Variants in UBE2Q2 observed in about 807,000 individuals in gnomAD.
UBE2Q2 encodes the protein ubiquitin-conjugating enzyme E2 Q2.
Under a neutral mutation model 59.9 loss-of-function variants are expected in UBE2Q2, and 54 were observed. The ratio of observed to expected loss-of-function variants is 0.90; its 90% CI spans 0.72 to 1.13. The LOEUF is 1.13. Among genes scored for constraint, UBE2Q2 ranks in the 50% most tolerant of loss-of-function variants. The pLI is 0.00. For missense variants in UBE2Q2, 433 were observed against 441.9 expected, an observed-to-expected ratio of 0.98 and a Z score of 0.18; for synonymous variants, 165 against 155.2, an observed-to-expected ratio of 1.06 and a Z score of -0.47.
At chr15:75,876,084 TG>T in intron 5 of UBE2Q2, 102 bp from the exon 6 acceptor site, 2 of 553,760 alleles carry the variant, frequency 3.6e-6, no homozygotes, top group Non-Finnish European at 5.1e-6. Context: ...AAAAAAAAAA[TG>T]TTGAGTGGTG....
chr15:75,853,045 C>T (rs912421114), intron 1 of UBE2Q2, among the ~76,000 whole-genome samples: 9 of 152,066 alleles, frequency 5.9e-5, no homozygotes, highest in African/African-American at 2.2e-4. Context: ...AGCTAATATA[C>T]GATAATAATG....
intron 3 of UBE2Q2, among the ~76,000 whole-genome samples, chr15:75,866,086 T>C (rs902618865): frequency 1.3e-5 from 2 of 152,340 alleles, no homozygotes; most frequent in East Asian, 3.9e-4. Flanking sequence ...ATCTCATTCT[T>C]AATTCTTTCT....
chr15:75,861,254 A>G (rs559514400), intron 3 of UBE2Q2, among the ~76,000 whole-genome samples: 5 of 152,356 alleles, frequency 3.3e-5, no homozygotes, highest in African/African-American at 1.2e-4. Context: ...GGTTGATTAT[A>G]TATTTCTAGG....
chr15:75,878,559 T>C (rs1186793468), intron 7 of UBE2Q2, among the ~76,000 whole-genome samples: 3 of 136,346 alleles, frequency 2.2e-5, no homozygotes, highest in Non-Finnish European at 4.5e-5. Flanking sequence ...ATCGTATCAC[T>C]ATATTCCAGC....
chr15:75,867,479 T>A (rs1897562616), intron 3 of UBE2Q2, among the ~76,000 whole-genome samples: 1 of 152,254 alleles, frequency 6.6e-6, no homozygotes, highest in Non-Finnish European at 1.5e-5. Flanking sequence ...TCCTTGTATT[T>A]GTTTTTCTGC....
intron 11 of UBE2Q2, among the ~76,000 whole-genome samples, chr15:75,891,678 G>C (rs554711221): frequency 3.6e-4 from 55 of 152,268 alleles, no homozygotes; most frequent in African/African-American, 1.3e-3. Context: ...CAACCAAGAG[G>C]AGCTGAGAGC....
intron 8 of UBE2Q2, among the ~76,000 whole-genome samples, chr15:75,879,587 T>TG: frequency 6.6e-6 from 1 of 152,360 alleles, no homozygotes; most frequent in South Asian, 2.1e-4. Flanking sequence ...GATTAGGGCA[T>TG]GCATTCTTAG....
At chr15:75,891,414 C>T (rs887147294) in intron 11 of UBE2Q2, among the ~76,000 whole-genome samples, 1 of 149,594 alleles carries the variant, frequency 6.7e-6, no homozygotes, top group African/African-American at 2.5e-5. Context: ...TCCTGGTAAG[C>T]TTTTATGTGC....
intron 3 of UBE2Q2, among the ~76,000 whole-genome samples, chr15:75,865,301 C>A (rs142627953): frequency 6.6e-6 from 1 of 152,110 alleles, no homozygotes; most frequent in East Asian, 1.9e-4. Context: ...TGTATTTTTT[C>A]GTACCTTTGT....
intron 8 of UBE2Q2, among the ~76,000 whole-genome samples, chr15:75,882,979 GA>G (rs958165522): frequency 4.6e-5 from 7 of 152,010 alleles, no homozygotes; most frequent in South Asian, 2.1e-4. Flanking sequence ...ACCTAAGGGG[GA>G]AAAAAAGATC....
At chr15:75,878,971 C>T in intron 7 of UBE2Q2, 127 bp from the exon 8 acceptor site, 1 of 579,788 alleles carries the variant, frequency 1.7e-6, no homozygotes, top group South Asian at 2.7e-5. Context: ...CAGCTTTAGA[C>T]CTTCTCTTTC....
intron 9 of UBE2Q2, among the ~76,000 whole-genome samples, chr15:75,888,045 C>CT (rs1257247797): frequency 3.9e-5 from 6 of 152,148 alleles, no homozygotes; most frequent in African/African-American, 1.4e-4. Context: ...GACCCTACTT[C>CT]TTTATTTCTT....
In UBE2Q2 at chr15:75,873,049, G is replaced by GT. The variant is rs1156449775; in HGVS notation, c.448-376dup. 2.0e-5 allele frequency among the ~76,000 whole-genome samples: 3 copies of GT among 152,276 alleles called. No individual in the cohort carries two copies. The East Asian group carries it at 5.8e-4, about 29-fold the overall frequency. ...AAATTAGTGTTTATAGTTTAAACTA[G>GT]TTTCTTAGAATACAATTCTAGAAGT... is the stretch of plus-strand genomic sequence containing the variant. On this transcript the variant is annotated intron_variant, in intron 4 of 12. Coordinates refer to ENST00000267938, the MANE Select transcript of UBE2Q2 (RefSeq NM_173469.4).
intron 8 of UBE2Q2, among the ~76,000 whole-genome samples, chr15:75,882,953 C>T (rs1898517429): frequency 6.6e-6 from 1 of 151,984 alleles, no homozygotes; most frequent in African/African-American, 2.4e-5. Context: ...TTTTTCTCTT[C>T]TGTAATTGGA....
At chr15:75,871,257 A>G (rs1897770736) in intron 4 of UBE2Q2, among the ~76,000 whole-genome samples, 1 of 152,126 alleles carries the variant, frequency 6.6e-6, no homozygotes, top group African/African-American at 2.4e-5. Context: ...GTTTTTCCCT[A>G]TCTCAGTAGA....
intron 9 of UBE2Q2, among the ~76,000 whole-genome samples, chr15:75,883,839 T>TATACACACAC (rs924347206): frequency 2.0e-4 from 31 of 152,002 alleles, no homozygotes; most frequent in African/African-American, 7.3e-4. Flanking sequence ...TATTTATACA[T>TATACACACAC]ACACACACAC....
intron 2 of UBE2Q2, among the ~76,000 whole-genome samples, chr15:75,855,133 T>C (rs1896834387): frequency 6.6e-6 from 1 of 152,200 alleles, no homozygotes; most frequent in Admixed American, 6.5e-5. Context: ...GTAAAATACA[T>C]ATACCTTTAT....
chr15:75,897,594 A>G (rs1247822396), intron 12 of UBE2Q2, among the ~76,000 whole-genome samples: 1 of 148,512 alleles, frequency 6.7e-6, no homozygotes, highest in Non-Finnish European at 1.5e-5. Flanking sequence ...CAGAATCAAG[A>G]TTTCTTTTTT....
chr15:75,844,189 C>CGGGGT, intron 1 of UBE2Q2: 1 of 1,405,200 alleles, frequency 7.1e-7, no homozygotes, highest in Non-Finnish European at 9.3e-7. Flanking sequence ...CTCCCGGGAC[C>CGGGGT]GGGGCGGGGC....
Sources: allele counts gnomAD v4.1 joint callset (sites outside exome capture counted in the v4.1 genomes callset), GRCh38; gene constraint gnomAD v4.1.1; transcripts MANE v1.5; gene names NCBI Gene and HGNC (gene_info 2026-07-23, HGNC 2026-07-21).